The following RADX variants were observed in gnomAD, a reference collection of about 807,000 sequenced individuals.
RADX encodes RPA1 related single stranded DNA binding protein, X-linked, also known as RPA-related protein RADX.
In RADX, 36 loss-of-function variants were observed where a neutral mutation model predicts 61.6. The observed-to-expected ratio is 0.58, with a 90% confidence interval of 0.45 to 0.77. RADX has a LOEUF of 0.77. RADX is among the 30% of genes least tolerant of loss of function. The pLI is 0.00. For missense variants in RADX, 497 were observed against 651.1 expected, an observed-to-expected ratio of 0.76 and a Z score of 2.58; for synonymous variants, 272 against 237.9, an observed-to-expected ratio of 1.14 and a Z score of -1.32.
At chrX:106,653,714 G>A (rs1927859537) in intron 11 of RADX, among the ~76,000 whole-genome samples, 2 of 110,016 alleles carry the variant, frequency 1.8e-5, no homozygotes, top group Admixed American at 9.7e-5. Flanking sequence ...AGGCCCCAAT[G>A]TGTGATGTTC....
intron 12 of RADX, among the ~76,000 whole-genome samples, chrX:106,663,682 C>G (rs1370910110): frequency 9.0e-6 from 1 of 111,210 alleles, no homozygotes; most frequent in Admixed American, 9.6e-5. Flanking sequence ...CCCCATTTAC[C>G]CTGATGTGAT....
intron 11 of RADX, among the ~76,000 whole-genome samples, chrX:106,650,872 T>A (rs1248871215): frequency 9.0e-6 from 1 of 111,357 alleles, no homozygotes; most frequent in Non-Finnish European, 1.9e-5. Context: ...AGAAATAATT[T>A]AGTGTATTTG....
rs531396273 is a variant in RADX at position 106,651,468 on chromosome X, T to C, written c.1978+3082T>C. ...AGAATTACTAAAGAATTCTGAGAGA[T>C]GGAAAATCAAACCAAAAGGAAATAT... On this transcript the variant is annotated intron_variant, in intron 11 of 13. Transcript: ENST00000372548. Among the ~76,000 whole-genome samples, 18 of 111,081 alleles carry C rather than the reference T, an allele frequency of 1.6e-4. No homozygotes were observed. In the South Asian group the frequency reaches 6.8e-3, roughly 42 times the overall value.
chrX:106,623,133 T>C (rs1301163433), intron 2 of RADX, among the ~76,000 whole-genome samples: 16 of 111,253 alleles, frequency 1.4e-4, no homozygotes, highest in Non-Finnish European at 2.6e-4. Flanking sequence ...GAAAAGAATC[T>C]CCTTTGGCCT....
chrX:106,674,420 C>T (rs1322645191), intron 13 of RADX, among the ~76,000 whole-genome samples: 1 of 112,020 alleles, frequency 8.9e-6, no homozygotes, highest in Non-Finnish European at 1.9e-5. Flanking sequence ...CATGAGGATT[C>T]CAGTTTCTCT....
At chrX:106,631,975 A>G (rs941597735) in intron 3 of RADX, among the ~76,000 whole-genome samples, 1 of 111,710 alleles carries the variant, frequency 9.0e-6, no homozygotes, top group African/African-American at 3.2e-5. Context: ...TAAAATGATT[A>G]GGGATTATGC....
chrX:106,624,600 T>C (rs1020041353), intron 2 of RADX, among the ~76,000 whole-genome samples: 3 of 111,743 alleles, frequency 2.7e-5, no homozygotes, highest in African/African-American at 6.5e-5. Flanking sequence ...TCCAGGCACA[T>C]AGCAAGTCCT....
intron 11 of RADX, among the ~76,000 whole-genome samples, chrX:106,661,314 CATAT>C (rs1928085327): frequency 9.2e-6 from 1 of 108,564 alleles, no homozygotes; most frequent in African/African-American, 3.3e-5. Context: ...AAAGGAGTGT[CATAT>C]ATAATAAATA....
At chrX:106,637,990 C>A in intron 8 of RADX, 66 bp downstream of exon 8, 1 of 897,558 alleles carries the variant, frequency 1.1e-6, no homozygotes, top group Non-Finnish European at 1.6e-6. Context: ...TATGCTATTT[C>A]AATTAGTCAT....
rs200537114 is a variant in RADX at position 106,633,107 on chromosome X, A to T, written c.1181-23A>T. ...ATGTATATAACAGTTACCTTCATTTATTTTAATATTCTATCCATATAGAAA... is the reference window on the plus strand; with the variant it reads ...ATGTATATAACAGTTACCTTCATTTTTTTTAATATTCTATCCATATAGAAA... On this transcript the variant is annotated intron_variant, in intron 5 of 13. Coordinates refer to ENST00000372548, the MANE Select transcript of RADX (RefSeq NM_018015.6). 22 of 1,186,046 alleles carry T rather than the reference A, an allele frequency of 1.9e-5. No homozygotes were observed. The East Asian group carries it at 6.5e-4, about 35-fold the overall frequency.
At chrX:106,661,635 C>G (rs1481905570) in intron 11 of RADX, among the ~76,000 whole-genome samples, 1 of 110,593 alleles carries the variant, frequency 9.0e-6, no homozygotes, top group Non-Finnish European at 1.9e-5. Context: ...AAATTTCCAC[C>G]AAGAGTGAGT....
intron 3 of RADX, 123 bp downstream of exon 3, chrX:106,625,405 A>G (rs1927053255): frequency 3.2e-5 from 12 of 380,284 alleles, no homozygotes; most frequent in Non-Finnish European, 5.1e-5. Flanking sequence ...AAACCTTTAA[A>G]TTTATTTGTC....
At chrX:106,648,537 A>G in intron 11 of RADX, 151 bp downstream of exon 11, 1 of 403,675 alleles carries the variant, frequency 2.5e-6, no homozygotes, top group Non-Finnish European at 4.3e-6. Context: ...TCAAAAGTGT[A>G]CTGATCAATT....
At position 106,627,728 on chromosome X, in the gene RADX, G is replaced by A. The variant is rs748364674; in HGVS notation, c.979+2446G>A. 2.7e-5 allele frequency among the ~76,000 whole-genome samples: 3 copies of A among 111,653 alleles called. 1 individual carries two copies. Among genetic ancestry groups the A allele is most frequent in the Admixed American group, 1.9e-4 (2 of 10,502 alleles). On this transcript the variant is annotated intron_variant, in intron 3 of 13. Transcript: ENST00000372548. ...CATTATGCTAATTGAAATAAGCCAG[G>A]CACAGAAAGACAAATACTGTAAGAT...
chrX:106,612,101 G>A lies in RADX; in HGVS notation c.21G>A (p.Gln7=), dbSNP rs762822317. Residue 7 remains glutamine (Q), a synonymous_variant, in exon 1 of 14, where the codon CAG becomes CAA. Transcript: ENST00000372548. MSGESG[Q]PEAGPSHAGL... is the part of the protein sequence containing the mutation. ...CAACAATGTCTGGTGAGTCAGGACA[G>A]CCTGAGGCTGGTCCCTCACATGCAG... 3 of 1,207,735 alleles carry A rather than the reference G, an allele frequency of 2.5e-6. No homozygotes were observed. The highest frequency in any genetic ancestry group is 2.2e-6 in the Non-Finnish European group (2 of 893,897).
At chrX:106,677,275 G>A (rs182264710) in intron 13 of RADX, among the ~76,000 whole-genome samples, 26 of 111,916 alleles carry the variant, frequency 2.3e-4, no homozygotes, top group African/African-American at 7.1e-4. Context: ...CCTTATCTGC[G>A]GAGTGAGGAG....
chrX:106,648,761 A>G (rs1016252424), intron 11 of RADX, among the ~76,000 whole-genome samples: 4 of 110,761 alleles, frequency 3.6e-5, no homozygotes, highest in African/African-American at 1.3e-4. Context: ...CTTTGGCCTC[A>G]TTTCTGAAGT....
intron 1 of RADX, among the ~76,000 whole-genome samples, chrX:106,619,188 G>T (rs747756918): frequency 9.1e-6 from 1 of 110,079 alleles, no homozygotes; most frequent in Non-Finnish European, 1.9e-5. Context: ...TATATATGGG[G>T]TACATGTATT....
chrX:106,641,344 G>A (rs868591559), intron 10 of RADX, among the ~76,000 whole-genome samples: 4 of 110,359 alleles, frequency 3.6e-5, no homozygotes, highest in South Asian at 8.0e-4. Context: ...ATCCCCAAAA[G>A]TCTTATCCCA....
Sources: allele counts gnomAD v4.1 joint callset (sites outside exome capture counted in the v4.1 genomes callset), GRCh38; gene constraint gnomAD v4.1.1; transcripts MANE v1.5; gene names NCBI Gene and HGNC (gene_info 2026-07-23, HGNC 2026-07-21).